FHIP2A: variants seen among roughly 807,000 people sequenced by gnomAD.
FHIP2A encodes the protein family with sequence similarity 160 member B1.
FHIP2A carries 46 observed loss-of-function variants against 93.5 expected under a neutral mutation model. The ratio of observed to expected loss-of-function variants is 0.49; its 90% CI spans 0.39 to 0.63. The LOEUF (loss-of-function observed/expected upper bound fraction) is 0.63, where lower values mean the gene tolerates loss of function less well. Ranked by LOEUF, FHIP2A falls within the 20% of genes least tolerant of loss-of-function variation. The pLI is 0.00. For synonymous variants in FHIP2A, 332 were observed against 326.5 expected, an observed-to-expected ratio of 1.02 and a Z score of -0.18; for missense variants, 769 against 909.7, an observed-to-expected ratio of 0.85 and a Z score of 1.99.
At chr10:114,840,766 A>G (rs1306263974) in intron 5 of FHIP2A, among the ~76,000 whole-genome samples, 1 of 152,196 alleles carries the variant, frequency 6.6e-6, no homozygotes, top group Non-Finnish European at 1.5e-5. Context: ...AGGGGCCCCA[A>G]GGGAGCTGAT....
At chr10:114,881,013 A>T (rs1001947678) in intron 16 of FHIP2A, among the ~76,000 whole-genome samples, 1 of 152,238 alleles carries the variant, frequency 6.6e-6, no homozygotes, top group African/African-American at 2.4e-5. Flanking sequence ...TAAACATAAC[A>T]GAAAGCCTTG....
At position 114,863,316 on chromosome 10, in the gene FHIP2A, A is replaced by G; in HGVS notation, c.*1776A>G. 1 of 978,614 alleles carries G rather than the reference A, an allele frequency of 1.0e-6. No homozygotes were observed. Among genetic ancestry groups the G allele is most frequent in the Non-Finnish European group, 1.2e-6 (1 of 823,518 alleles). The allele number at this position is 978,614 out of a possible 1,614,324, so 60.6% of individuals were successfully genotyped here. A position where few individuals can be genotyped will look rare whatever the true frequency, so the allele number is the denominator to read the frequency against. Reference sequence around the variant, plus strand: ...ACATTTCTAGATGTAGTAACAGTCTACTTTGATATATGAGTATTTAAACTA... The same window carrying G: ...ACATTTCTAGATGTAGTAACAGTCTGCTTTGATATATGAGTATTTAAACTA... On this transcript the variant is annotated 3_prime_UTR_variant, in exon 17 of 17. Coordinates refer to ENST00000369248, the MANE Select transcript of FHIP2A (RefSeq NM_020940.4).
chr10:114,887,380 A>G (rs533874378), intron 16 of FHIP2A, among the ~76,000 whole-genome samples: 7 of 152,352 alleles, frequency 4.6e-5, no homozygotes, highest in Admixed American at 2.6e-4. Flanking sequence ...TTATGATACT[A>G]TGTGCCTGAC....
rs552693174 is a variant in FHIP2A, at chr10:114,844,279, T to C, written c.1013+342T>C. 1.7e-3 allele frequency among the ~76,000 whole-genome samples: 260 copies of C among 152,310 alleles called. 1 individual carries two copies. Among genetic ancestry groups the C allele is most frequent in the Non-Finnish European group, 2.8e-3 (189 of 68,016 alleles). On this transcript the variant is annotated intron_variant, in intron 7 of 16. Transcript: ENST00000369248. ...ATAATTTCCACAGCCTCTAGAGCAG[T>C]CTAATCTGTCTCCTGGCCTGTTTGT...
intron 16 of FHIP2A, among the ~76,000 whole-genome samples, chr10:114,889,461 T>TTG (rs2083959813): frequency 6.6e-6 from 1 of 152,226 alleles, no homozygotes; most frequent in African/African-American, 2.4e-5. Flanking sequence ...AGCACCACCC[T>TTG]TGTTGGCACC....
rs116152282 is a variant in FHIP2A at position 114,861,832 on chromosome 10, C to T, written c.*292C>T. 1.2e-3 allele frequency: 1,220 copies of T among 1,043,476 alleles called. 12 individuals carry two copies. In the African/African-American group the frequency reaches 0.02, roughly 17 times the overall value. 64.6% of individuals were successfully genotyped at this position (1,043,476 alleles called of 1,614,324 possible). A position where few individuals can be genotyped will look rare whatever the true frequency, so the allele number is the denominator to read the frequency against. On this transcript the variant is annotated 3_prime_UTR_variant, in exon 17 of 17. Coordinates refer to ENST00000369248, the MANE Select transcript of FHIP2A (RefSeq NM_020940.4). ...AAGCATTTCTAATGACTGTGAAAAG[C>T]TGCAATATTTCCAATGTCATGACTT...
chr10:114,855,059 C>A, intron 13 of FHIP2A, 138 bp from the exon 14 acceptor site: 1 of 783,038 alleles, frequency 1.3e-6, no homozygotes, highest in Non-Finnish European at 2.0e-6. Flanking sequence ...CATCTCTTCC[C>A]CCTCTCCCTT....
chr10:114,890,526 A>G (rs956426549), intron 16 of FHIP2A, among the ~76,000 whole-genome samples: 2 of 147,864 alleles, frequency 1.4e-5, no homozygotes, highest in African/African-American at 4.9e-5. Flanking sequence ...TATACGCTAT[A>G]TATGACATAT....
chr10:114,874,093 A>G (rs1249387180), intron 16 of FHIP2A, among the ~76,000 whole-genome samples: 1 of 152,246 alleles, frequency 6.6e-6, no homozygotes, highest in African/African-American at 2.4e-5. Flanking sequence ...AAGACAGGGT[A>G]GAGGACATGG....
chr10:114,850,943 G>A (rs567990331), intron 13 of FHIP2A, among the ~76,000 whole-genome samples: 22 of 152,092 alleles, frequency 1.4e-4, no homozygotes, highest in African/African-American at 2.7e-4. Context: ...AGACAGAGTC[G>A]CGCTCTGTCA....
chr10:114,834,772 G>T (rs2083627387), intron 3 of FHIP2A, among the ~76,000 whole-genome samples: 1 of 152,090 alleles, frequency 6.6e-6, no homozygotes, highest in Non-Finnish European at 1.5e-5. Context: ...TTTATATTAT[G>T]ATTATAATAG....
chr10:114,899,648 T>C, exon 17 of FHIP2A: 2 of 628,074 alleles, frequency 3.2e-6, no homozygotes, highest in Non-Finnish European at 5.8e-6. Context: ...CCAGGCTGAT[T>C]GGCAGACCTG....
At chr10:114,846,153 A>G in intron 9 of FHIP2A, 22 bp from the exon 10 acceptor site, 1 of 1,613,670 alleles carries the variant, frequency 6.2e-7, no homozygotes, top group African/African-American at 1.3e-5. Context: ...TTGCCCACTG[A>G]CTACCTGTTC....
intron 14 of FHIP2A, among the ~76,000 whole-genome samples, chr10:114,859,738 T>G (rs1211438378): frequency 6.6e-6 from 1 of 152,156 alleles, no homozygotes; most frequent in Non-Finnish European, 1.5e-5. Flanking sequence ...CAATTAGAAT[T>G]CAAGTAAAAT....
intron 8 of FHIP2A, 82 bp from the exon 9 acceptor site, chr10:114,845,931 G>A (rs1277223278): frequency 5.7e-6 from 6 of 1,049,098 alleles, no homozygotes; most frequent in Non-Finnish European, 7.1e-6. Context: ...ATTCAGTTGG[G>A]AGTCCAAACT....
chr10:114,859,446 G>A (rs929148612), intron 14 of FHIP2A, among the ~76,000 whole-genome samples: 2 of 152,098 alleles, frequency 1.3e-5, no homozygotes, highest in African/African-American at 2.4e-5. Context: ...GAAACATTCC[G>A]CTGTGCTGGC....
At chr10:114,823,947 G>A (rs1042387150) in intron 1 of FHIP2A, among the ~76,000 whole-genome samples, 3 of 152,072 alleles carry the variant, frequency 2.0e-5, no homozygotes, top group Non-Finnish European at 4.4e-5. Flanking sequence ...ATATTTGAGG[G>A]GGAAAAAAAT....
intron 14 of FHIP2A, among the ~76,000 whole-genome samples, chr10:114,856,038 T>A (rs1053093265): frequency 6.6e-6 from 1 of 152,206 alleles, no homozygotes; most frequent in Non-Finnish European, 1.5e-5. Flanking sequence ...AGCATAGTAC[T>A]TTCCTCAGTG....
intron 4 of FHIP2A, among the ~76,000 whole-genome samples, chr10:114,835,916 A>G (rs2083634516): frequency 6.6e-6 from 1 of 152,124 alleles, no homozygotes; most frequent in Non-Finnish European, 1.5e-5. Flanking sequence ...ATAACTCGTT[A>G]ATTATTTATG....
Sources: allele counts gnomAD v4.1 joint callset (sites outside exome capture counted in the v4.1 genomes callset), GRCh38; gene constraint gnomAD v4.1.1; transcripts MANE v1.5; gene names NCBI Gene and HGNC (gene_info 2026-07-23, HGNC 2026-07-21).